Variants in CLVS1 observed in about 807,000 individuals in gnomAD.
CLVS1 encodes clavesin-1.
Under a neutral mutation model 33.1 loss-of-function variants are expected in CLVS1, and 10 were observed. The observed-to-expected ratio is 0.30, with a 90% CI of 0.19 to 0.51. CLVS1 has a LOEUF of 0.51. Ranked by LOEUF, CLVS1 falls within the 20% of genes least tolerant of loss-of-function variation. CLVS1 has a pLI of 0.97. For synonymous variants in CLVS1, 163 were observed against 166.1 expected, an observed-to-expected ratio of 0.98 and a Z score of 0.14; for missense variants, 343 against 433.4, an observed-to-expected ratio of 0.79 and a Z score of 1.85.
At chr8:61,106,784 T>A (rs1331185579) in intron 1 of CLVS1, among the ~76,000 whole-genome samples, 1 of 152,130 alleles carries the variant, frequency 6.6e-6, no homozygotes, top group Non-Finnish European at 1.5e-5. Flanking sequence ...AGCTTCTAGA[T>A]AAGAGTCAGC....
chr8:61,031,547 G>A, the CLVS1 span, among the ~76,000 whole-genome samples: 2 of 152,198 alleles, frequency 1.3e-5, no homozygotes, highest in Non-Finnish European at 2.9e-5. Flanking sequence ...TTTCCTCTGT[G>A]CCTTTTAAGA....
At chr8:61,058,913 A>C (rs1482842488) in intron 1 of CLVS1, among the ~76,000 whole-genome samples, 2 of 152,142 alleles carry the variant, frequency 1.3e-5, no homozygotes, top group African/African-American at 4.8e-5. Flanking sequence ...TTTATTATAT[A>C]GATATTATAC....
At position 61,250,805 on chromosome 8, in the gene CLVS1, G is replaced by A. The variant is rs528918400; in HGVS notation, c.-151-48872G>A. 2.3e-3 allele frequency among the ~76,000 whole-genome samples: 343 copies of A among 152,296 alleles called. 1 individual carries two copies. Among genetic ancestry groups the A allele is most frequent in the African/African-American group, 8.0e-3 (332 of 41,560 alleles). On this transcript the variant is annotated intron_variant, in intron 2 of 2. Coordinates refer to the CLVS1 transcript ENST00000522621. ...TGCTGAAGTTGCTTATCAGCTTAAG[G>A]AGATTTAGGGCTGAGAGGATGGGGT... is the stretch of plus-strand genomic sequence containing the variant.
At chr8:61,099,784 C>T (rs561144360) in intron 1 of CLVS1, among the ~76,000 whole-genome samples, 1 of 152,246 alleles carries the variant, frequency 6.6e-6, no homozygotes, top group Admixed American at 6.5e-5. Context: ...CTAATGTGGG[C>T]AAACTAATAT....
intron 2 of CLVS1, among the ~76,000 whole-genome samples, chr8:61,154,948 A>G (rs531212689): frequency 9.2e-5 from 14 of 152,320 alleles, no homozygotes; most frequent in Admixed American, 3.3e-4. Context: ...TCTCACATCC[A>G]TTAAAAGGGC....
chr8:61,199,426 T>G (rs189003168), intron 2 of CLVS1, among the ~76,000 whole-genome samples: 30 of 151,946 alleles, frequency 2.0e-4, no homozygotes, highest in African/African-American at 6.8e-4. Flanking sequence ...TACAAATAAT[T>G]CCATTAAAAA....
At chr8:61,031,211 G>A in the CLVS1 span, among the ~76,000 whole-genome samples, 14,401 of 152,186 alleles carry the variant, frequency 0.095, 814 homozygotes, top group South Asian at 0.17. Context: ...AAAAGGCTTG[G>A]GAAAGGGGGA....
intron 2 of CLVS1, among the ~76,000 whole-genome samples, chr8:61,340,545 CAT>C (rs10557382): frequency 0.055 from 8,358 of 150,814 alleles, 705 homozygotes; most frequent in African/African-American, 0.19. Flanking sequence ...GAATAGTATT[CAT>C]ATATATATAT....
intron 2 of CLVS1, among the ~76,000 whole-genome samples, chr8:61,209,170 T>C (rs1422169236): frequency 6.6e-6 from 1 of 152,166 alleles, no homozygotes; most frequent in East Asian, 1.9e-4. Flanking sequence ...TAGGAAAAAC[T>C]AGAACTTTAA....
intron 2 of CLVS1, among the ~76,000 whole-genome samples, chr8:61,265,433 CT>C (rs751486411): frequency 7.2e-5 from 11 of 152,172 alleles, no homozygotes; most frequent in Non-Finnish European, 1.5e-4. Flanking sequence ...CATTTTTAAT[CT>C]GTAAAGTGAG....
At chr8:61,122,801 C>CAAATAAATGACACAACATTTA (rs1554537391) in intron 1 of CLVS1, among the ~76,000 whole-genome samples, 1 of 146,524 alleles carries the variant, frequency 6.8e-6, no homozygotes, top group Non-Finnish European at 1.5e-5. Flanking sequence ...AGCTTCAATC[C>CAAATAAATGACACAACATTTA]TTTCCCAGCT....
intron 2 of CLVS1, among the ~76,000 whole-genome samples, chr8:61,183,488 G>A (rs1427647582): frequency 6.6e-6 from 1 of 151,508 alleles, no homozygotes; most frequent in Non-Finnish European, 1.5e-5. Context: ...TTGTCAGACA[G>A]TTAATTTTTT....
chr8:61,033,116 AAGG>A, the CLVS1 span, among the ~76,000 whole-genome samples: 2 of 48,946 alleles, frequency 4.1e-5, no homozygotes, highest in South Asian at 6.6e-4. Flanking sequence ...AGAAAGAAGG[AAGG>A]AAGAAAGGAA....
chr8:61,368,946 A>G (rs1345130509), intron 2 of CLVS1, among the ~76,000 whole-genome samples: 7 of 151,994 alleles, frequency 4.6e-5, no homozygotes, highest in African/African-American at 1.7e-4. Context: ...AAGAGATGAA[A>G]ATTTGCTTGC....
the CLVS1 span, among the ~76,000 whole-genome samples, chr8:61,007,255 T>C: frequency 1.3e-5 from 2 of 152,180 alleles, no homozygotes; most frequent in Admixed American, 1.3e-4. Flanking sequence ...AAAAGAAAAC[T>C]TTTCATCTAT....
intron 2 of CLVS1, among the ~76,000 whole-genome samples, chr8:61,144,090 G>A (rs2129293624): frequency 6.6e-6 from 1 of 151,766 alleles, no homozygotes; most frequent in South Asian, 2.1e-4. Context: ...TGGGATACAT[G>A]TGCAGAACGT....
At chr8:61,227,286 G>A (rs781228755) in intron 2 of CLVS1, among the ~76,000 whole-genome samples, 24 of 140,826 alleles carry the variant, frequency 1.7e-4, no homozygotes, top group Non-Finnish European at 3.4e-4. Flanking sequence ...AGGATTAGGC[G>A]AGAAATGCTT....
intron 2 of CLVS1, among the ~76,000 whole-genome samples, chr8:61,343,826 C>A (rs1454620842): frequency 6.6e-6 from 1 of 152,126 alleles, no homozygotes; most frequent in African/African-American, 2.4e-5. Context: ...CCGATAACAT[C>A]CTAAAAAGAA....
chr8:61,158,367 A>G, intron 2 of CLVS1, among the ~76,000 whole-genome samples: 1 of 152,210 alleles, frequency 6.6e-6, no homozygotes, highest in East Asian at 1.9e-4. Context: ...GGAAGTGCTC[A>G]CCATTTGATG....
Sources: gnomAD v4.1 joint callset for allele counts (sites outside exome capture counted in the v4.1 genomes callset) on GRCh38, gnomAD v4.1.1 for gene constraint, MANE v1.5 for transcripts, NCBI Gene and HGNC (gene_info 2026-07-23, HGNC 2026-07-21) for gene names.